The following ABI3BP variants were observed in gnomAD, a reference collection of about 807,000 sequenced individuals.
ABI3BP encodes target of Nesh-SH3.
In ABI3BP, 216 loss-of-function variants were observed where a neutral mutation model predicts 268.6. The ratio of observed to expected loss-of-function variants is 0.80; its 90% CI spans 0.72 to 0.90. The LOEUF is 0.90. Ranked by LOEUF, ABI3BP falls within the 40% of genes least tolerant of loss-of-function variation. The probability of loss-of-function intolerance (pLI) is 0.00; values close to 1 mark genes in which losing one functional copy is unlikely to be tolerated. For missense variants in ABI3BP, 2,090 were observed against 2,182.4 expected, an observed-to-expected ratio of 0.96 and a Z score of 0.84; for synonymous variants, 730 against 730.0, an observed-to-expected ratio of 1.00 and a Z score of 0.00.
chr3:100,834,744 G>T lies in ABI3BP; in HGVS notation c.2221C>A (p.Arg741Ser), dbSNP rs1032848132. The change falls in exon 29 of 68, where the codon CGT becomes AGT. Residue 741 changes from arginine (R) to serine (S), a missense_variant. Physicochemically the swap from Arg to Ser is moderately radical, Grantham distance 110. Coordinates refer to ENST00000471714, the MANE Select transcript of ABI3BP (RefSeq NM_001375547.2). ...GTTTTATGTTTGGGACGTGGACGAC[G>T]TGTTCTTGTTCGTTGCGATGTTTTT... Reference protein sequence around the residue: ...APKTSQRTRTRRPRPKHKTTP... With the variant: ...APKTSQRTRTSRPRPKHKTTP... The T allele has an allele frequency of 1.3e-6, 2 of 1,535,576 alleles. No individual in the cohort carries two copies. The highest frequency in any genetic ancestry group is 1.7e-6 in the Non-Finnish European group (2 of 1,146,538).
At chr3:100,837,817 CCTGACTAG>C in intron 26 of ABI3BP, among the ~76,000 whole-genome samples, 1 of 151,844 alleles carries the variant, frequency 6.6e-6, no homozygotes, top group African/African-American at 2.4e-5. Flanking sequence ...GAAGCTAATC[CCTGACTAG>C]CAAGTCTTCT....
intron 29 of ABI3BP, among the ~76,000 whole-genome samples, chr3:100,834,007 G>A (rs749030020): frequency 4.6e-5 from 7 of 152,178 alleles, no homozygotes; most frequent in East Asian, 1.9e-4. Context: ...CTCTTGCTCC[G>A]TTGCCTGGGC....
rs1489004746 is a variant in ABI3BP at position 100,874,799 on chromosome 3, C to A, written c.910+42G>T. The A allele has an allele frequency of 4.2e-6, 5 of 1,190,320 alleles. No homozygotes were observed. In the African/African-American group the frequency reaches 4.5e-5, roughly 11 times the overall value. 73.7% of individuals were successfully genotyped at this position (1,190,320 alleles called of 1,614,324 possible). On this transcript the variant is annotated intron_variant, in intron 9 of 67. Coordinates refer to ENST00000471714, the MANE Select transcript of ABI3BP (RefSeq NM_001375547.2). ...TTTCCTAAGAATATCAGTGCTAGTACTCAGTTACTGCAAAGTTCAAATACA... is the reference window on the plus strand; with the variant it reads ...TTTCCTAAGAATATCAGTGCTAGTAATCAGTTACTGCAAAGTTCAAATACA...
At chr3:100,893,035 G>A (rs2045502804) in intron 4 of ABI3BP, among the ~76,000 whole-genome samples, 1 of 152,158 alleles carries the variant, frequency 6.6e-6, no homozygotes, top group African/African-American at 2.4e-5. Context: ...CTCCATTTGG[G>A]TGGACACCAT....
intron 1 of ABI3BP, among the ~76,000 whole-genome samples, chr3:100,975,730 G>T (rs761946485): frequency 6.6e-6 from 1 of 152,074 alleles, no homozygotes; most frequent in Non-Finnish European, 1.5e-5. Context: ...AGTCCAACTT[G>T]CCTTGAATCT....
chr3:100,813,846 T>G, intron 44 of ABI3BP, 111 bp from the exon 45 acceptor site: 4 of 899,050 alleles, frequency 4.4e-6, no homozygotes, highest in Non-Finnish European at 6.9e-6. Flanking sequence ...ATCATGAGGT[T>G]ATGGAGAGCC....
chr3:100,760,509 A>G (rs370345290), intron 63 of ABI3BP, among the ~76,000 whole-genome samples: 3 of 152,216 alleles, frequency 2.0e-5, no homozygotes, highest in Admixed American at 6.5e-5. Flanking sequence ...AAGACAAAAA[A>G]AAATGTTTAC....
intron 1 of ABI3BP, among the ~76,000 whole-genome samples, chr3:100,946,413 A>G (rs1198633513): frequency 6.6e-6 from 1 of 151,876 alleles, no homozygotes; most frequent in Non-Finnish European, 1.5e-5. Context: ...TTGTTATAAT[A>G]ATTATTGTGA....
At chr3:100,957,627 G>C (rs932073740) in intron 1 of ABI3BP, among the ~76,000 whole-genome samples, 5 of 152,164 alleles carry the variant, frequency 3.3e-5, no homozygotes, top group African/African-American at 1.2e-4. Flanking sequence ...CAATTTAAGA[G>C]ACTGGTAAAA....
chr3:100,850,807 T>C (rs938776329), intron 15 of ABI3BP, 73 bp from the exon 16 acceptor site: 16 of 1,177,290 alleles, frequency 1.4e-5, no homozygotes, highest in Non-Finnish European at 2.0e-5. Flanking sequence ...TCATGAGTAA[T>C]AAATTATGCC....
At chr3:100,783,562 C>T (rs1401873278) in intron 57 of ABI3BP, among the ~76,000 whole-genome samples, 1 of 152,164 alleles carries the variant, frequency 6.6e-6, no homozygotes, top group Non-Finnish European at 1.5e-5. Context: ...TACTTGCTTT[C>T]ACAGCACAAT....
At chr3:100,894,851 A>G (rs544503114) in intron 4 of ABI3BP, among the ~76,000 whole-genome samples, 53 of 147,088 alleles carry the variant, frequency 3.6e-4, no homozygotes, top group African/African-American at 1.3e-3. Context: ...AGGCAGGAGA[A>G]TGGCGTGAAC....
chr3:100,925,045 T>A (rs2061415856), intron 2 of ABI3BP, among the ~76,000 whole-genome samples: 1 of 152,200 alleles, frequency 6.6e-6, no homozygotes, highest in South Asian at 2.1e-4. Context: ...ATTACATTTG[T>A]CAGAAATGCT....
intron 55 of ABI3BP, 34 bp from the exon 56 acceptor site, chr3:100,789,550 A>C: frequency 1.3e-6 from 2 of 1,559,066 alleles, no homozygotes; most frequent in Non-Finnish European, 1.7e-6. Flanking sequence ...TTTAATAACC[A>C]ACAGACCAAA....
At chr3:100,828,483 A>G (rs779535800) in intron 33 of ABI3BP, 31 bp from the exon 34 acceptor site, 3 of 1,496,806 alleles carry the variant, frequency 2.0e-6, no homozygotes, top group South Asian at 2.4e-5. Context: ...TAAAACACCA[A>G]CAAAACATTA....
intron 2 of ABI3BP, among the ~76,000 whole-genome samples, chr3:100,920,047 ATGT>A (rs1023608059): frequency 4.5e-4 from 69 of 152,294 alleles, no homozygotes; most frequent in African/African-American, 1.5e-3. Flanking sequence ...TTGTTTTTTA[ATGT>A]TGTTTTGAGA....
chr3:100,878,747 C>G (rs114624888), intron 6 of ABI3BP, among the ~76,000 whole-genome samples: 2 of 152,074 alleles, frequency 1.3e-5, no homozygotes, highest in Non-Finnish European at 2.9e-5. Context: ...CACTCACTCA[C>G]GAGCCCACCT....
At chr3:100,811,313 G>GT in intron 47 of ABI3BP, 36 bp from the exon 48 acceptor site, 1 of 1,457,924 alleles carries the variant, frequency 6.9e-7, no homozygotes, top group Non-Finnish European at 9.2e-7. Flanking sequence ...TTTAGAAACT[G>GT]TAAGATATTA....
At chr3:100,929,311 A>G (rs1017614284) in intron 1 of ABI3BP, among the ~76,000 whole-genome samples, 3 of 152,070 alleles carry the variant, frequency 2.0e-5, no homozygotes, top group Non-Finnish European at 4.4e-5. Context: ...ATCAGATGAG[A>G]ACAAGGAAGG....
Sources: allele counts gnomAD v4.1 joint callset (sites outside exome capture counted in the v4.1 genomes callset), GRCh38; gene constraint gnomAD v4.1.1; transcripts MANE v1.5; gene names NCBI Gene and HGNC (gene_info 2026-07-23, HGNC 2026-07-21).